The following FGF12 variants were observed in gnomAD, a reference collection of about 807,000 sequenced individuals.
The protein encoded by FGF12 is fibroblast growth factor 12B.
A neutral mutation model predicts 23.6 loss-of-function variants in FGF12; 14 were observed. The observed-to-expected ratio is 0.59, with a 90% CI of 0.39 to 0.93. The LOEUF (loss-of-function observed/expected upper bound fraction) is 0.93. FGF12 is among the 40% of genes least tolerant of loss of function. The pLI, the probability that FGF12 is intolerant of heterozygous loss-of-function variation, is 0.00. For missense variants in FGF12, 175 were observed against 217.8 expected (o/e 0.80, Z 1.24); for synonymous variants, 62 against 77.3 (o/e 0.80, Z 1.04).
At chr3:192,419,605 A>C (rs1327966760) in intron 2 of FGF12, among the ~76,000 whole-genome samples, 2 of 152,190 alleles carry the variant, frequency 1.3e-5, no homozygotes, top group African/African-American at 4.8e-5. Context: ...AAAATGATTA[A>C]GGTCAGCATT....
At chr3:192,676,176 C>T (rs982085758) in intron 2 of FGF12, among the ~76,000 whole-genome samples, 5 of 152,168 alleles carry the variant, frequency 3.3e-5, no homozygotes, top group South Asian at 2.1e-4. Context: ...TCCCCTCTTG[C>T]GATGAGTGCT....
intron 2 of FGF12, among the ~76,000 whole-genome samples, chr3:192,627,687 A>G (rs1715222044): frequency 6.6e-6 from 1 of 152,214 alleles, no homozygotes; most frequent in South Asian, 2.1e-4. Context: ...AGATAATTGC[A>G]GATTCACATG....
intron 2 of FGF12, among the ~76,000 whole-genome samples, chr3:192,611,865 A>G (rs1714561832): frequency 6.6e-6 from 1 of 151,974 alleles, no homozygotes; most frequent in African/African-American, 2.4e-5. Flanking sequence ...TAGGTGAGTA[A>G]ATAGCCCCAC....
At chr3:192,342,494 G>T (rs903858171) in intron 3 of FGF12, among the ~76,000 whole-genome samples, 16 of 152,268 alleles carry the variant, frequency 1.1e-4, no homozygotes, top group Admixed American at 3.9e-4. Flanking sequence ...TTGTCAGCAA[G>T]GCGTGGTGGC....
chr3:192,409,069 AGGGAGGG>A lies in FGF12; in HGVS notation c.14-48538_14-48532del. 13 of 404,518 alleles carry A rather than the reference AGGGAGGG, an allele frequency of 3.2e-5. No homozygotes were observed. The highest frequency in any genetic ancestry group is 3.8e-5 in the Non-Finnish European group (13 of 344,514). 25.1% of individuals were successfully genotyped at this position (404,518 alleles called of 1,614,324 possible). Reference sequence around the variant, plus strand: ...AGCACTGCAAAGAGAGCGGGAGGCGAGGGAGGGGGGAGGGCGCGAGGGAGGGAGGGAG... The same window carrying A: ...AGCACTGCAAAGAGAGCGGGAGGCGAGGGAGGGCGCGAGGGAGGGAGGGAG... On this transcript the variant is annotated intron_variant, in intron 2 of 5. Coordinates refer to ENST00000445105, the MANE Select transcript of FGF12 (RefSeq NM_004113.6). This position sits in a 1 kb window ranked among gnomAD's most constrained non-coding sequence, Gnocchi z 4.8.
At chr3:192,323,489 T>C (rs1716652910) in intron 4 of FGF12, among the ~76,000 whole-genome samples, 1 of 152,178 alleles carries the variant, frequency 6.6e-6, no homozygotes, top group Non-Finnish European at 1.5e-5. Context: ...ATGTTCTTAT[T>C]TGCAGGAGTT....
intron 4 of FGF12, among the ~76,000 whole-genome samples, chr3:192,250,084 T>C (rs1403701880): frequency 6.6e-6 from 1 of 152,222 alleles, no homozygotes; most frequent in Non-Finnish European, 1.5e-5. Flanking sequence ...TTCTGCTTAG[T>C]ACTCGAAGTG....
intron 5 of FGF12, among the ~76,000 whole-genome samples, chr3:192,150,239 C>A (rs1249544121): frequency 1.2e-5 from 1 of 86,854 alleles, no homozygotes; most frequent in Non-Finnish European, 2.4e-5. Flanking sequence ...GACTAGGTTG[C>A]GAAAATTTTC....
At chr3:192,280,251 A>G (rs558315053) in intron 4 of FGF12, among the ~76,000 whole-genome samples, 1 of 152,300 alleles carries the variant, frequency 6.6e-6, no homozygotes, top group African/African-American at 2.4e-5. Context: ...ATGTTAGTTA[A>G]TGGAGCAGAT....
At chr3:192,225,195 T>C (rs911576046) in intron 4 of FGF12, among the ~76,000 whole-genome samples, 4 of 152,162 alleles carry the variant, frequency 2.6e-5, no homozygotes, top group African/African-American at 9.7e-5. Context: ...CTTGAAATTA[T>C]TGTTGCTTCT....
intron 4 of FGF12, among the ~76,000 whole-genome samples, chr3:192,258,358 T>A (rs1328546563): frequency 6.6e-6 from 1 of 152,106 alleles, no homozygotes; most frequent in Non-Finnish European, 1.5e-5. Context: ...CTAAGGAGGC[T>A]GAGGCAGGGG....
intron 2 of FGF12, among the ~76,000 whole-genome samples, chr3:192,571,781 C>T (rs1312882363): frequency 6.6e-6 from 1 of 152,196 alleles, no homozygotes; most frequent in Non-Finnish European, 1.5e-5. Context: ...AAAGCCACAT[C>T]ACCAACTTCC....
chr3:192,675,707 C>A (rs80211370), intron 2 of FGF12, among the ~76,000 whole-genome samples: 2 of 152,120 alleles, frequency 1.3e-5, no homozygotes, highest in African/African-American at 4.8e-5. Context: ...AAGAATAATG[C>A]TCAAAGGATT....
chr3:192,607,846 T>TAAAAA (rs36061162), intron 2 of FGF12, among the ~76,000 whole-genome samples: 5 of 122,052 alleles, frequency 4.1e-5, no homozygotes, highest in African/African-American at 1.3e-4. Context: ...CACTGAAAAT[T>TAAAAA]AAAAAAAAAA....
In FGF12 at chr3:192,487,660, TTATAA is replaced by T. The variant is rs1398908593; in HGVS notation, c.14-127127_14-127123del. Among the ~76,000 whole-genome samples, 12 of 152,252 alleles carry T rather than the reference TTATAA, an allele frequency of 7.9e-5. No homozygotes were observed. The East Asian group carries it at 2.1e-3, about 27-fold the overall frequency. ...ATCGATGCTGCCTAACGTGCTTTGT[TTATAA>T]TATGTTTATAATGTAAACGTAAAGA... On this transcript the variant is annotated intron_variant, in intron 2 of 5. Transcript: ENST00000445105.
At chr3:192,215,069 A>T (rs938046331) in intron 4 of FGF12, among the ~76,000 whole-genome samples, 1 of 152,190 alleles carries the variant, frequency 6.6e-6, no homozygotes, top group African/African-American at 2.4e-5. Context: ...CCTAAATCAG[A>T]GGATGCTTAC....
chr3:192,415,462 T>C (rs1369794396), intron 2 of FGF12, among the ~76,000 whole-genome samples: 1 of 152,138 alleles, frequency 6.6e-6, no homozygotes, highest in Non-Finnish European at 1.5e-5. Context: ...ACCCAGATTT[T>C]TGAGCCAAAT....
chr3:192,200,142 T>C (rs1577228819), intron 4 of FGF12, among the ~76,000 whole-genome samples: 1 of 144,758 alleles, frequency 6.9e-6, no homozygotes, highest in African/African-American at 2.6e-5. Context: ...CATGGTGAAA[T>C]CCCATCTCTA....
At chr3:192,346,478 T>G (rs1480764103) in intron 3 of FGF12, among the ~76,000 whole-genome samples, 1 of 152,198 alleles carries the variant, frequency 6.6e-6, no homozygotes, top group East Asian at 1.9e-4. Flanking sequence ...ATCTGTTAGA[T>G]CTCTGAAATC....
Sources: gnomAD v4.1 joint callset for allele counts (sites outside exome capture counted in the v4.1 genomes callset) on GRCh38, gnomAD v4.1.1 for gene constraint, Gnocchi (gnomAD v3.1) non-coding constraint, MANE v1.5 for transcripts, NCBI Gene and HGNC (gene_info 2026-07-23, HGNC 2026-07-21) for gene names.